Variants in SPMIP2 observed in about 807,000 individuals in gnomAD.
SPMIP2 encodes protein SPMIP2.
At chr4:159,078,151 G>A in the SPMIP2 span, among the ~76,000 whole-genome samples, 56 of 152,006 alleles carry the variant, frequency 3.7e-4, no homozygotes, top group Non-Finnish European at 8.8e-5. Flanking sequence ...GGGGAAAATC[G>A]GAAAGAACAG....
the SPMIP2 span, among the ~76,000 whole-genome samples, chr4:159,052,196 A>G: frequency 1.3e-5 from 2 of 152,308 alleles, no homozygotes; most frequent in South Asian, 4.1e-4. Context: ...TAGTTCGCAC[A>G]ATGTTTTGAT....
At chr4:158,993,129 G>C in the SPMIP2 span, among the ~76,000 whole-genome samples, 2 of 151,946 alleles carry the variant, frequency 1.3e-5, no homozygotes, top group South Asian at 2.1e-4. Flanking sequence ...GGAAGGCTAA[G>C]AAGGGAGGAT....
chr4:158,973,768 C>T, the SPMIP2 span, among the ~76,000 whole-genome samples: 13 of 151,868 alleles, frequency 8.6e-5, no homozygotes, highest in African/African-American at 2.7e-4. Context: ...GTGGGTGCAT[C>T]GCTTGAACTC....
the SPMIP2 span, among the ~76,000 whole-genome samples, chr4:158,977,558 T>G: frequency 2.4e-5 from 2 of 83,320 alleles, no homozygotes; most frequent in African/African-American, 3.8e-5. Flanking sequence ...CTGGATTCAT[T>G]GATTTTTTGA....
the SPMIP2 span, among the ~76,000 whole-genome samples, chr4:158,976,645 C>A: frequency 2.1e-5 from 3 of 144,650 alleles, no homozygotes; most frequent in Non-Finnish European, 3.0e-5. Flanking sequence ...CCAACTGGAT[C>A]AGGATGGATA....
the SPMIP2 span, among the ~76,000 whole-genome samples, chr4:158,972,653 C>G: frequency 6.6e-6 from 1 of 152,010 alleles, no homozygotes; most frequent in Admixed American, 6.6e-5. Context: ...ATACTTGATA[C>G]GAAGGCATTA....
chr4:159,023,932 G>A, the SPMIP2 span, among the ~76,000 whole-genome samples: 1 of 152,148 alleles, frequency 6.6e-6, no homozygotes, highest in Admixed American at 6.5e-5. Flanking sequence ...GTTTCCCAGG[G>A]CTGTTGTAGG....
the SPMIP2 span, among the ~76,000 whole-genome samples, chr4:158,978,597 C>G: frequency 6.6e-6 from 1 of 152,170 alleles, no homozygotes; most frequent in Non-Finnish European, 1.5e-5. Flanking sequence ...AATCTGGGTG[C>G]TCCTGTACTG....
At chr4:159,049,408 AGATT>A in the SPMIP2 span, among the ~76,000 whole-genome samples, 1 of 152,244 alleles carries the variant, frequency 6.6e-6, no homozygotes, top group Non-Finnish European at 1.5e-5. Flanking sequence ...AGATTCGCAA[AGATT>A]GATTAAGGGA....
the SPMIP2 span, among the ~76,000 whole-genome samples, chr4:159,037,658 C>A: frequency 2.0e-5 from 3 of 151,704 alleles, no homozygotes; most frequent in Non-Finnish European, 4.4e-5. Context: ...ATGGTCCCAG[C>A]TACTCGGGAG....
the SPMIP2 span, among the ~76,000 whole-genome samples, chr4:158,968,280 C>T: frequency 6.6e-6 from 1 of 152,226 alleles, no homozygotes; most frequent in African/African-American, 2.4e-5. Context: ...CCATCCTCCT[C>T]AGCCTCCCAA....
chr4:159,058,652 A>G, the SPMIP2 span, among the ~76,000 whole-genome samples: 4 of 152,168 alleles, frequency 2.6e-5, no homozygotes, highest in African/African-American at 9.7e-5. Flanking sequence ...TATGACTATC[A>G]ATCTAGAAAT....
the SPMIP2 span, among the ~76,000 whole-genome samples, chr4:158,903,806 A>ATTT: frequency 1.1e-4 from 16 of 149,088 alleles, no homozygotes; most frequent in Non-Finnish European, 2.1e-4. Context: ...AAACAGTTCA[A>ATTT]TTTTTTTTTT....
At chr4:159,058,337 T>C in the SPMIP2 span, among the ~76,000 whole-genome samples, 1 of 152,076 alleles carries the variant, frequency 6.6e-6, no homozygotes, top group Non-Finnish European at 1.5e-5. Flanking sequence ...CAAATCACAA[T>C]GTGCAATTTT....
the SPMIP2 span, chr4:158,904,365 CTT>C: frequency 9.5e-7 from 1 of 1,048,164 alleles, no homozygotes; most frequent in Non-Finnish European, 1.4e-6. Flanking sequence ...ATCTATCAAA[CTT>C]AGTACCTAGA....
chr4:158,959,358 A>G, the SPMIP2 span, among the ~76,000 whole-genome samples: 1 of 152,228 alleles, frequency 6.6e-6, no homozygotes, highest in Non-Finnish European at 1.5e-5. Flanking sequence ...AATATGTGTT[A>G]TTCATGCTTT....
chr4:158,972,484 T>C, the SPMIP2 span, among the ~76,000 whole-genome samples: 1 of 152,324 alleles, frequency 6.6e-6, no homozygotes, highest in Non-Finnish European at 1.5e-5. Context: ...CAGGCCTGTC[T>C]GGAAAAAAAT....
the SPMIP2 span, among the ~76,000 whole-genome samples, chr4:159,057,234 T>A: frequency 6.6e-6 from 1 of 152,230 alleles, no homozygotes; most frequent in Non-Finnish European, 1.5e-5. Context: ...GGGGCCCAGA[T>A]GGGACAGTTA....
chr4:158,989,220 C>T, the SPMIP2 span, among the ~76,000 whole-genome samples: 1 of 152,106 alleles, frequency 6.6e-6, no homozygotes, highest in Non-Finnish European at 1.5e-5. Context: ...AACTACTGCT[C>T]AAGGAAATGC....
Sources: gnomAD v4.1 joint callset for allele counts (sites outside exome capture counted in the v4.1 genomes callset) on GRCh38, gnomAD v4.1.1 for gene constraint, MANE v1.5 for transcripts, NCBI Gene and HGNC (gene_info 2026-07-23, HGNC 2026-07-21) for gene names.